The following ZNF33B variants were observed in gnomAD, a reference collection of about 807,000 sequenced individuals.
ZNF33B encodes zinc finger protein 33B.
ZNF33B carries 29 observed loss-of-function variants against 45.8 expected under a neutral mutation model. The ratio of observed to expected loss-of-function variants is 0.63; its 90% CI spans 0.47 to 0.86. ZNF33B has a LOEUF of 0.86. Ranked by LOEUF, ZNF33B falls within the 40% of genes least tolerant of loss-of-function variation. The probability of loss-of-function intolerance (pLI) is 0.00; values close to 1 mark genes in which losing one functional copy is unlikely to be tolerated. For missense variants in ZNF33B, 831 were observed against 909.9 expected (o/e 0.91, Z 1.12); for synonymous variants, 305 against 307.8 (o/e 0.99, Z 0.10).
chr10:42,633,373 G>A (rs1252370686), intron 2 of ZNF33B, among the ~76,000 whole-genome samples: 1 of 152,146 alleles, frequency 6.6e-6, no homozygotes, highest in Non-Finnish European at 1.5e-5. Flanking sequence ...GATGAGATGT[G>A]AGCATATACT....
chr10:42,593,296 G>A lies in ZNF33B; in HGVS notation c.1654C>T (p.Pro552Ser). Residue 552 changes from proline to serine, a missense_variant, in exon 5 of 5, where the codon CCC becomes TCC. Transcript: ENST00000359467. The part of the protein sequence containing the change: ...IHQRTHTGEK[P>S]FACPECGKFF... ...TTCCCACATTCAGGACATGCAAAGG[G>A]TTTCTCCCCTGTGTGCGTTCTCTGA... is the stretch of plus-strand genomic sequence containing the variant. 6.2e-7 allele frequency: 1 copy of A among 1,614,024 alleles called. No individual in the cohort carries two copies. The highest frequency in any genetic ancestry group is 8.5e-7 in the Non-Finnish European group (1 of 1,179,980).
At chr10:42,636,034 C>G (rs1370207833) in intron 2 of ZNF33B, among the ~76,000 whole-genome samples, 1 of 151,952 alleles carries the variant, frequency 6.6e-6, no homozygotes, top group Non-Finnish European at 1.5e-5. Flanking sequence ...GAGGCTGAGG[C>G]AAGAGAATTG....
At chr10:42,584,222 C>G (rs1051050709), downstream of ZNF33B, among the ~76,000 whole-genome samples, 1 of 152,216 alleles carries the variant, frequency 6.6e-6, no homozygotes, top group Non-Finnish European at 1.5e-5. Flanking sequence ...CCCACTTAGT[C>G]TCGTTTCTGG....
chr10:42,620,433 T>G (rs1388442460), intron 4 of ZNF33B, among the ~76,000 whole-genome samples: 2 of 152,002 alleles, frequency 1.3e-5, no homozygotes, highest in Non-Finnish European at 2.9e-5. Context: ...GACAGGGTCT[T>G]GCTCTGTCAC....
At chr10:42,595,499 CT>C (rs1837359371) in intron 4 of ZNF33B, among the ~76,000 whole-genome samples, 1 of 152,196 alleles carries the variant, frequency 6.6e-6, no homozygotes, top group African/African-American at 2.4e-5. Context: ...ATTAAGGAAT[CT>C]GTCATGGACT....
intron 4 of ZNF33B, among the ~76,000 whole-genome samples, chr10:42,595,037 A>G (rs572374635): frequency 4.6e-5 from 7 of 152,346 alleles, no homozygotes; most frequent in South Asian, 4.1e-4. Context: ...AAAGGTCAGC[A>G]TAAGTGGAGC....
intron 1 of ZNF33B, chr10:42,582,956 G>C (rs911048908): frequency 1.7e-6 from 1 of 599,434 alleles, no homozygotes; most frequent in Non-Finnish European, 3.1e-6. Flanking sequence ...CAGCACGCCA[G>C]TGTTGGAGAT....
chr10:42,626,653 A>C (rs550742877), intron 4 of ZNF33B, among the ~76,000 whole-genome samples: 1 of 151,878 alleles, frequency 6.6e-6, no homozygotes, highest in East Asian at 1.9e-4. Flanking sequence ...GCACCACTGC[A>C]CTCCAGCCTG....
chr10:42,616,721 G>A lies in ZNF33B; in HGVS notation c.250+15208C>T, dbSNP rs146598560. 4.3e-3 allele frequency among the ~76,000 whole-genome samples: 651 copies of A among 152,146 alleles called. 6 individuals are homozygous for A. The highest frequency in any genetic ancestry group is 6.7e-3 in the Non-Finnish European group (455 of 67,996). On this transcript the variant is annotated intron_variant, in intron 4 of 4. Transcript: ENST00000359467. The stretch of plus-strand genomic sequence containing the variant: ...TACATTTATTTTATTTTTTGAGATG[G>A]AGTCTCGCTCTGTCGCCAGGCTGGA...
In ZNF33B at chr10:42,591,195, A is replaced by G; in HGVS notation, c.*1418T>C. On this transcript the variant is annotated 3_prime_UTR_variant, in exon 5 of 5. Transcript: ENST00000359467. ...CCTGTCTGGGTACAATGAGCAATGAAATGACAGTCCAACAGCCCTGGGCAG... is the reference window on the plus strand; with the variant it reads ...CCTGTCTGGGTACAATGAGCAATGAGATGACAGTCCAACAGCCCTGGGCAG... 1.3e-6 allele frequency: 1 copy of G among 750,382 alleles called. No individual in the cohort carries two copies. Among genetic ancestry groups the G allele is most frequent in the South Asian group, 6.0e-5 (1 of 16,554 alleles). The allele number at this position is 750,382 out of a possible 1,614,324, so 46.5% of individuals were successfully genotyped here. A position where few individuals can be genotyped will look rare whatever the true frequency, so the allele number is the denominator to read the frequency against.
intron 4 of ZNF33B, among the ~76,000 whole-genome samples, chr10:42,622,180 A>T (rs1334728144): frequency 3.9e-5 from 6 of 152,254 alleles, no homozygotes; most frequent in Non-Finnish European, 7.3e-5. Flanking sequence ...GATGAAAAAT[A>T]TTAAAGAAGG....
chr10:42,622,479 T>C (rs1366313198), intron 4 of ZNF33B, among the ~76,000 whole-genome samples: 1 of 152,224 alleles, frequency 6.6e-6, no homozygotes, highest in Non-Finnish European at 1.5e-5. Flanking sequence ...ATGTCATAGG[T>C]GTAGACATAC....
intron 4 of ZNF33B, among the ~76,000 whole-genome samples, chr10:42,616,122 C>G (rs761540227): frequency 1.3e-5 from 2 of 151,884 alleles, no homozygotes; most frequent in Non-Finnish European, 2.9e-5. Context: ...ATCCCAGCTA[C>G]TCAGGAGACT....
intron 2 of ZNF33B, among the ~76,000 whole-genome samples, chr10:42,635,273 T>C (rs1171920006): frequency 6.6e-6 from 1 of 151,974 alleles, no homozygotes; most frequent in African/African-American, 2.4e-5. Context: ...ATCATTATAT[T>C]TGGGGCTTTG....
intron 4 of ZNF33B, among the ~76,000 whole-genome samples, chr10:42,631,211 T>C (rs1243936865): frequency 3.3e-5 from 5 of 152,128 alleles, no homozygotes; most frequent in Non-Finnish European, 7.3e-5. Context: ...TTTATATTTA[T>C]TTACTTATTT....
At chr10:42,600,136 C>A (rs188122385) in intron 4 of ZNF33B, among the ~76,000 whole-genome samples, 13 of 152,044 alleles carry the variant, frequency 8.6e-5, no homozygotes, top group Non-Finnish European at 1.9e-4. Flanking sequence ...TATATTCGTT[C>A]ATCTGCCCTT....
At chr10:42,585,176 T>G (rs376549795), downstream of ZNF33B, among the ~76,000 whole-genome samples, 7 of 152,310 alleles carry the variant, frequency 4.6e-5, no homozygotes, top group African/African-American at 1.7e-4. Flanking sequence ...GTCTCTGGCC[T>G]CACTTCATGG....
chr10:42,630,027 T>C (rs942293560), intron 4 of ZNF33B, among the ~76,000 whole-genome samples: 5 of 152,184 alleles, frequency 3.3e-5, no homozygotes, highest in African/African-American at 1.2e-4. Flanking sequence ...CCATCAAAAA[T>C]GATTCTAGAA....
chr10:42,578,820 T>G (rs1395368605), intron 1 of ZNF33B: 4 of 152,238 alleles, frequency 2.6e-5, no homozygotes, highest in Admixed American at 6.5e-5. Flanking sequence ...CAAAAACTGT[T>G]TTCTCCACTA....
Sources: gnomAD v4.1 joint callset for allele counts (sites outside exome capture counted in the v4.1 genomes callset) on GRCh38, gnomAD v4.1.1 for gene constraint, MANE v1.5 for transcripts, NCBI Gene and HGNC (gene_info 2026-07-23, HGNC 2026-07-21) for gene names.